Variants in SLC12A6 observed in about 807,000 individuals in gnomAD.
SLC12A6 encodes the protein solute carrier family 12 member 6.
In SLC12A6, 66 loss-of-function variants were observed where a neutral mutation model predicts 135.3. That is an observed-to-expected ratio of 0.49 (90% CI 0.40 to 0.60). The LOEUF (loss-of-function observed/expected upper bound fraction) is 0.60. Ranked by LOEUF, SLC12A6 falls within the 20% of genes least tolerant of loss-of-function variation. The pLI is 0.00. For synonymous variants in SLC12A6, 513 were observed against 508.8 expected (o/e 1.01, Z -0.11); for missense variants, 1,058 against 1,452.3 (o/e 0.73, Z 4.41).
intron 14 of SLC12A6, 46 bp downstream of exon 14, chr15:34,245,647 T>C: frequency 3.3e-6 from 5 of 1,507,180 alleles, no homozygotes; most frequent in Non-Finnish European, 4.6e-6. Flanking sequence ...CTGTTTCTCA[T>C]TAAAGCTGGG....
intron 2 of SLC12A6, among the ~76,000 whole-genome samples, chr15:34,327,001 T>C (rs1035468042): frequency 6.6e-6 from 1 of 151,456 alleles, no homozygotes; most frequent in South Asian, 2.1e-4. Flanking sequence ...TGACAAAAAT[T>C]CTGGTCTTGG....
Position 34,256,130 on chromosome 15 carries a change from AATAGTATTCT to A in SLC12A6, c.745+89_745+98del, listed in dbSNP as rs1892738149. On this transcript the variant is annotated intron_variant, in intron 7 of 25. Coordinates refer to ENST00000354181, the MANE Select transcript of SLC12A6 (RefSeq NM_001365088.1). ...CTCTGTTGTAGCACAGAACAGACCA[AATAGTATTCT>A]ATTCTTCAGAAGTTTGCACCTCTAG... 6.3e-6 allele frequency: 5 copies of A among 795,596 alleles called. No individual in the cohort carries two copies. The African/African-American group carries it at 8.5e-5, about 14-fold the overall frequency. The allele number at this position is 795,596 out of a possible 1,614,324, so 49.3% of individuals were successfully genotyped here.
chr15:34,235,195 T>C lies in SLC12A6; in HGVS notation c.3347A>G (p.Glu1116Gly). Residue 1116 changes from glutamate (E) to glycine (G), a missense_variant, in exon 25 of 26, where the codon GAG becomes GGG. Glu to Gly is a moderately conservative substitution (Grantham distance 98). Around this residue, in one of 6 missense-constraint regions of SLC12A6, gnomAD observed 245 missense variants for 440.8 expected, o/e 0.56. Coordinates refer to ENST00000354181, the MANE Select transcript of SLC12A6 (RefSeq NM_001365088.1). ...GGAAAGGATACAGTTTTCATCACCCTCAGGGTTTCGGGGTGGCCCTGGCAT... is the reference window on the plus strand; with the variant it reads ...GGAAAGGATACAGTTTTCATCACCCCCAGGGTTTCGGGGTGGCCCTGGCAT... ...LNMPGPPRNP[E>G]GDENYMEFLE... 6.2e-7 allele frequency: 1 copy of C among 1,614,056 alleles called. No homozygotes were observed. Among genetic ancestry groups the C allele is most frequent in the Non-Finnish European group, 8.5e-7 (1 of 1,179,888 alleles).
At chr15:34,319,753 T>C (rs1206114113) in intron 2 of SLC12A6, among the ~76,000 whole-genome samples, 1 of 151,270 alleles carries the variant, frequency 6.6e-6, no homozygotes, top group Non-Finnish European at 1.5e-5. Context: ...GAGCAGAGAT[T>C]GCGCCACTGC....
intron 2 of SLC12A6, among the ~76,000 whole-genome samples, chr15:34,323,240 C>T (rs988185703): frequency 6.6e-6 from 1 of 151,962 alleles, no homozygotes; most frequent in Non-Finnish European, 1.5e-5. Context: ...GATATGCAAA[C>T]CACTAAAAAC....
intron 3 of SLC12A6, among the ~76,000 whole-genome samples, chr15:34,271,585 T>G (rs1893948920): frequency 7.6e-6 from 1 of 131,890 alleles, no homozygotes; most frequent in Admixed American, 7.7e-5. Flanking sequence ...TTCTAAAAAT[T>G]TTTTTAAGTG....
chr15:34,299,371 T>C (rs1261642020), intron 2 of SLC12A6, among the ~76,000 whole-genome samples: 1 of 152,236 alleles, frequency 6.6e-6, no homozygotes, highest in African/African-American at 2.4e-5. Context: ...AATCAACATA[T>C]TAATTCAACA....
At position 34,237,592 on chromosome 15, in the gene SLC12A6, G is replaced by C. The variant is rs749643547; in HGVS notation, c.2803-42C>G. 2.2e-5 allele frequency: 34 copies of C among 1,565,456 alleles called. 2 individuals are homozygous for C. The South Asian group carries it at 2.5e-4, about 11-fold the overall frequency. ...CACATGTGAAAAATTAGAGCAAGGA[G>C]GCAAAAAAGGTTATTTCCTAAGACA... On this transcript the variant is annotated intron_variant, in intron 21 of 25. Transcript: ENST00000354181.
At chr15:34,281,926 CTTATT>C (rs1206390245) in intron 2 of SLC12A6, among the ~76,000 whole-genome samples, 1 of 151,078 alleles carries the variant, frequency 6.6e-6, no homozygotes, top group Non-Finnish European at 1.5e-5. Context: ...GACAAAAATC[CTTATT>C]TTAATTTTTA....
intron 13 of SLC12A6, 74 bp from the exon 14 acceptor site, chr15:34,245,941 A>G (rs1042636724): frequency 8.4e-6 from 10 of 1,191,404 alleles, no homozygotes; most frequent in African/African-American, 3.0e-5. Flanking sequence ...TATTCACCCA[A>G]TTTTTTTTTG....
intron 17 of SLC12A6, among the ~76,000 whole-genome samples, chr15:34,241,814 A>G (rs769105334): frequency 3.3e-5 from 5 of 152,192 alleles, no homozygotes; most frequent in African/African-American, 7.2e-5. Context: ...CCTTGACTGA[A>G]GAGATAAGCA....
chr15:34,289,768 G>C (rs568963417), intron 2 of SLC12A6, among the ~76,000 whole-genome samples: 3 of 152,258 alleles, frequency 2.0e-5, no homozygotes, highest in Admixed American at 6.5e-5. Context: ...TATTTACATA[G>C]AGGTGTTTAT....
intron 3 of SLC12A6, among the ~76,000 whole-genome samples, chr15:34,269,720 C>T (rs1595468970): frequency 6.9e-6 from 1 of 145,946 alleles, no homozygotes; most frequent in Non-Finnish European, 1.5e-5. Flanking sequence ...TTAACATGCT[C>T]TTTTTTTTTT....
Position 34,275,347 on chromosome 15 carries a change from A to G in SLC12A6, c.314T>C (p.Leu105Ser). Residue 105 changes from leucine (L) to serine (S), a missense_variant and splice_region_variant, in exon 3 of 26, where the codon TTA (leucine) becomes TCA (serine). Transcript: ENST00000354181. ...NSITGEHSQLLDDGHKKARNA... is the reference protein window; with the variant it reads ...NSITGEHSQLSDDGHKKARNA... ...CAATCCCCACAGTAATACTATACCT[A>G]ACAGTTGGCTGTGTTCCCCTGTGAT... The G allele has an allele frequency of 6.7e-7, 1 of 1,496,968 alleles. No individual in the cohort carries two copies. Among genetic ancestry groups the G allele is most frequent in the Non-Finnish European group, 9.3e-7 (1 of 1,073,866 alleles). The allele number at this position is 1,496,968 out of a possible 1,614,324, so 92.7% of individuals were successfully genotyped here. A position where few individuals can be genotyped will look rare whatever the true frequency, so the allele number is the denominator to read the frequency against.
intron 13 of SLC12A6, among the ~76,000 whole-genome samples, chr15:34,247,708 CTT>C (rs560146427): frequency 9.7e-5 from 14 of 143,634 alleles, no homozygotes; most frequent in Non-Finnish European, 1.1e-4. Context: ...ACTATCCTGA[CTT>C]TTTTTTTTTT....
intron 3 of SLC12A6, among the ~76,000 whole-genome samples, chr15:34,264,586 T>G (rs1893367097): frequency 6.6e-6 from 1 of 152,190 alleles, no homozygotes; most frequent in African/African-American, 2.4e-5. Context: ...ATGAACATTG[T>G]TAGGATCCTG....
intron 3 of SLC12A6, among the ~76,000 whole-genome samples, chr15:34,261,472 AT>A (rs908328090): frequency 1.8e-4 from 28 of 152,036 alleles, no homozygotes; most frequent in African/African-American, 6.8e-4. Context: ...ATTTGTTTGT[AT>A]TTTTAATAGA....
chr15:34,257,528 G>T, intron 6 of SLC12A6, 114 bp downstream of exon 6: 1 of 816,284 alleles, frequency 1.2e-6, no homozygotes, highest in Non-Finnish European at 2.1e-6. Context: ...CTTCTGTTGA[G>T]ATCATGAGTC....
intron 2 of SLC12A6, among the ~76,000 whole-genome samples, chr15:34,325,675 T>C (rs935447357): frequency 1.3e-5 from 2 of 152,136 alleles, no homozygotes; most frequent in African/African-American, 2.4e-5. Context: ...ATTCATCATA[T>C]TGTAGAGTAA....
Sources: allele counts gnomAD v4.1 joint callset (sites outside exome capture counted in the v4.1 genomes callset), GRCh38; gene constraint gnomAD v4.1.1; regional missense constraint gnomAD v4.1.1; transcripts MANE v1.5; gene names NCBI Gene and HGNC (gene_info 2026-07-23, HGNC 2026-07-21).